Variants in BMPR1A observed in about 807,000 individuals in gnomAD.
BMPR1A encodes bone morphogenetic protein receptor type 1A.
BMPR1A carries 7 observed loss-of-function variants against 66.0 expected under a neutral mutation model. That is an observed-to-expected ratio of 0.11 (90% CI 0.06 to 0.20). The LOEUF (loss-of-function observed/expected upper bound fraction) is 0.20. Among genes scored for constraint, BMPR1A ranks in the 10% least tolerant of loss-of-function variants. The pLI is 1.00. For missense variants in BMPR1A, 408 were observed against 669.1 expected, an observed-to-expected ratio of 0.61 and a Z score of 4.31; for synonymous variants, 200 against 229.7, an observed-to-expected ratio of 0.87 and a Z score of 1.17.
intron 2 of BMPR1A, among the ~76,000 whole-genome samples, chr10:86,856,891 A>G (rs1389754879): frequency 6.6e-6 from 1 of 152,200 alleles, no homozygotes; most frequent in African/African-American, 2.4e-5. Context: ...GAACTTGGGA[A>G]AGTGGTATAC....
intron 1 of BMPR1A, among the ~76,000 whole-genome samples, chr10:86,810,662 C>G (rs151185358): frequency 6.6e-6 from 1 of 152,296 alleles, no homozygotes; most frequent in African/African-American, 2.4e-5. Context: ...TTACTGATAT[C>G]GTTCAGCATA....
At chr10:86,854,828 C>A (rs1260622663) in intron 2 of BMPR1A, 2 of 251,570 alleles carry the variant, frequency 8.0e-6, no homozygotes, top group Non-Finnish European at 1.7e-5. Flanking sequence ...TGTATCTGAG[C>A]ACCTAAAAGG....
chr10:86,865,682 C>T (rs548461947), intron 2 of BMPR1A, among the ~76,000 whole-genome samples: 11 of 152,298 alleles, frequency 7.2e-5, no homozygotes, highest in African/African-American at 9.6e-5. Context: ...AAAAAAGAAC[C>T]AGTATTTCTC....
chr10:86,760,906 T>C (rs891334745), intron 1 of BMPR1A, among the ~76,000 whole-genome samples: 1 of 152,258 alleles, frequency 6.6e-6, no homozygotes, highest in Non-Finnish European at 1.5e-5. Context: ...TTATGTCCAT[T>C]GTAAGATACA....
At chr10:86,861,146 CT>C (rs1462024328) in intron 2 of BMPR1A, among the ~76,000 whole-genome samples, 1 of 152,124 alleles carries the variant, frequency 6.6e-6, no homozygotes, top group Non-Finnish European at 1.5e-5. Context: ...TGGCCTAGAA[CT>C]TCTTACAACA....
intron 1 of BMPR1A, among the ~76,000 whole-genome samples, chr10:86,785,023 TTC>T (rs1185815665): frequency 4.6e-5 from 7 of 152,322 alleles, no homozygotes; most frequent in African/African-American, 1.7e-4. Context: ...TTTTGGAATG[TTC>T]TGTTTTCTTC....
At position 86,919,267 on chromosome 10, in the gene BMPR1A, A is replaced by C. The variant is rs1131691167; in HGVS notation, c.964A>C (p.Lys322Gln). 6.2e-7 allele frequency: 1 copy of C among 1,614,012 alleles called. No homozygotes were observed. The highest frequency in any genetic ancestry group is 1.7e-5 in the Admixed American group (1 of 60,020). Residue 322 changes from lysine (K) to glutamine (Q), a missense_variant, in exon 10 of 13, where the codon AAA (lysine) becomes CAA (glutamine). Physicochemically the swap from Lys to Gln is moderately conservative, Grantham distance 53. Transcript: ENST00000372037. Reference protein sequence around the residue: ...HENGSLYDFLKCATLDTRALL... With the variant: ...HENGSLYDFLQCATLDTRALL... ...AAATGGATCTCTCTATGACTTCCTG[A>C]AATGTGCTACACTGGACACCAGAGC... is the stretch of plus-strand genomic sequence containing the variant.
intron 1 of BMPR1A, among the ~76,000 whole-genome samples, chr10:86,761,754 G>A (rs1489718490): frequency 6.6e-6 from 1 of 152,200 alleles, no homozygotes; most frequent in African/African-American, 2.4e-5. Flanking sequence ...TAACTAGCGT[G>A]GATGAGAGAA....
intron 1 of BMPR1A, among the ~76,000 whole-genome samples, chr10:86,813,166 T>C (rs531419214): frequency 1.3e-5 from 2 of 152,344 alleles, no homozygotes; most frequent in Admixed American, 1.3e-4. Flanking sequence ...TTCAGTCCAT[T>C]GTAATTCTTA....
At position 86,919,296 on chromosome 10, in the gene BMPR1A, G is replaced by A. The variant is rs786202827; in HGVS notation, c.993G>A (p.Leu331=). 4 of 1,613,914 alleles carry A rather than the reference G, an allele frequency of 2.5e-6. No individual in the cohort carries two copies. The highest frequency in any genetic ancestry group is 1.3e-5 in the African/African-American group (1 of 75,016). Residue 331 remains leucine (L), a synonymous_variant, in exon 10 of 13, where the codon CTG becomes CTA. Transcript: ENST00000372037. The part of the protein sequence containing the change: ...LKCATLDTRA[L]LKLAYSAACG... ...GTGCTACACTGGACACCAGAGCCCT[G>A]CTTAAATTGGCTTATTCAGCTGCCT...
rs200991488 is a variant in BMPR1A, at chr10:86,874,709, C to CTTTTT, written c.-152-1136_-152-1132dup. 2.3e-4 allele frequency among the ~76,000 whole-genome samples: 21 copies of CTTTTT among 92,436 alleles called. 1 individual carries two copies. The highest frequency in any genetic ancestry group is 8.8e-4 in the South Asian group (2 of 2,278). The allele number at this position is 92,436 out of a possible 152,430, so 60.6% of individuals were successfully genotyped here. On this transcript the variant is annotated intron_variant, in intron 2 of 12. Coordinates refer to ENST00000372037, the MANE Select transcript of BMPR1A (RefSeq NM_004329.3). ...GGCGTGAGTCACTGCACCCGACCTT[C>CTTTTT]TTTTTTTTTTTTTTTTTTTTTTTTT...
chr10:86,897,342 A>G (rs1843238699), intron 5 of BMPR1A, among the ~76,000 whole-genome samples: 1 of 151,408 alleles, frequency 6.6e-6, no homozygotes, highest in Non-Finnish European at 1.5e-5. Context: ...ACCCAAATTC[A>G]TAATCTCGAC....
At chr10:86,872,020 T>C (rs1357215855) in intron 2 of BMPR1A, among the ~76,000 whole-genome samples, 1 of 152,176 alleles carries the variant, frequency 6.6e-6, no homozygotes, top group Non-Finnish European at 1.5e-5. Context: ...TACAGTAAGA[T>C]GGTTGTCCTG....
At chr10:86,890,353 A>C (rs1801520278) in intron 4 of BMPR1A, 129 bp downstream of exon 4, 1 of 1,137,206 alleles carries the variant, frequency 8.8e-7, no homozygotes, top group Admixed American at 2.2e-5. Context: ...AGAAAGCCAA[A>C]AAGCCTTTTG....
At chr10:86,921,772 T>C in intron 11 of BMPR1A, 77 bp downstream of exon 11, 1 of 1,597,638 alleles carries the variant, frequency 6.3e-7, no homozygotes, top group African/African-American at 1.3e-5. Context: ...ATATAACTTT[T>C]TAGTTTTTAA....
chr10:86,897,691 C>A (rs536199458), intron 5 of BMPR1A, among the ~76,000 whole-genome samples: 4 of 152,290 alleles, frequency 2.6e-5, no homozygotes, highest in South Asian at 2.1e-4. Flanking sequence ...ACTGCAGCCT[C>A]AACCTCCTGG....
rs114259672 is a variant in BMPR1A, at chr10:86,771,119, G to A, written c.-268+14200G>A. ...ATTTAATTTTATCTCAGATTTATAA[G>A]CTGTATATTATATGATAACCCTTTT... On this transcript the variant is annotated intron_variant, in intron 1 of 12. Coordinates refer to ENST00000372037, the MANE Select transcript of BMPR1A (RefSeq NM_004329.3). Among the ~76,000 whole-genome samples, 1,054 of 152,086 alleles carry A rather than the reference G, an allele frequency of 6.9e-3. 13 individuals carry two copies. The highest frequency in any genetic ancestry group is 0.024 in the African/African-American group (1,000 of 41,480).
intron 2 of BMPR1A, among the ~76,000 whole-genome samples, chr10:86,854,097 T>C (rs1842608836): frequency 6.6e-6 from 1 of 152,278 alleles, no homozygotes; most frequent in South Asian, 2.1e-4. Context: ...CAGGGGCACA[T>C]TCTCTTTCCC....
rs34810652 is a variant in BMPR1A, at chr10:86,912,098, AG to A, written c.531-140del. On this transcript the variant is annotated intron_variant, in intron 7 of 12. Coordinates refer to ENST00000372037, the MANE Select transcript of BMPR1A (RefSeq NM_004329.3). ...AACTCCATTTCTAGATGTATTTAAC[AG>A]GATATATTATCCAATGATAAGACTA... 3.0e-5 allele frequency: 26 copies of A among 854,514 alleles called. No individual in the cohort carries two copies. In the Admixed American group the frequency reaches 3.9e-4, roughly 13 times the overall value. 52.9% of individuals were successfully genotyped at this position (854,514 alleles called of 1,614,324 possible).
Sources: gnomAD v4.1 joint callset for allele counts (sites outside exome capture counted in the v4.1 genomes callset) on GRCh38, gnomAD v4.1.1 for gene constraint, MANE v1.5 for transcripts, NCBI Gene and HGNC (gene_info 2026-07-23, HGNC 2026-07-21) for gene names.